RNGTT: variants seen among roughly 807,000 people sequenced by gnomAD.
The protein encoded by RNGTT is RNA guanylyltransferase and 5'-phosphatase, also known as mRNA-capping enzyme.
Under a neutral mutation model 79.3 loss-of-function variants are expected in RNGTT, and 33 were observed. The observed-to-expected ratio is 0.42, with a 90% CI of 0.32 to 0.56. The LOEUF is 0.56. Among genes scored for constraint, RNGTT ranks in the 20% least tolerant of loss-of-function variants. The probability of loss-of-function intolerance (pLI) is 0.17; values close to 1 mark genes in which losing one functional copy is unlikely to be tolerated. For missense variants in RNGTT, 497 were observed against 739.1 expected, an observed-to-expected ratio of 0.67 and a Z score of 3.80; for synonymous variants, 222 against 235.9, an observed-to-expected ratio of 0.94 and a Z score of 0.54.
intron 8 of RNGTT, among the ~76,000 whole-genome samples, chr6:88,856,342 G>T (rs1239386855): frequency 1.3e-5 from 2 of 151,988 alleles, no homozygotes; most frequent in East Asian, 1.9e-4. Context: ...TTCACTGACT[G>T]CCCAGAAGTT....
intron 13 of RNGTT, among the ~76,000 whole-genome samples, chr6:88,760,978 T>C (rs982642414): frequency 6.9e-6 from 1 of 144,098 alleles, no homozygotes; most frequent in African/African-American, 2.6e-5. Flanking sequence ...CAAACCCAGC[T>C]CATTCTATTT....
intron 1 of RNGTT, among the ~76,000 whole-genome samples, chr6:88,949,964 A>G (rs985005179): frequency 5.9e-5 from 9 of 152,254 alleles, no homozygotes; most frequent in African/African-American, 2.2e-4. Context: ...GTCAATGCCT[A>G]GATTCAAAGC....
intron 14 of RNGTT, among the ~76,000 whole-genome samples, chr6:88,645,359 C>G (rs1773503195): frequency 6.6e-6 from 1 of 152,122 alleles, no homozygotes; most frequent in Non-Finnish European, 1.5e-5. Context: ...AAAGAGGATA[C>G]AAACAAATGG....
intron 11 of RNGTT, among the ~76,000 whole-genome samples, chr6:88,841,379 C>T (rs1436030971): frequency 6.6e-6 from 1 of 152,146 alleles, no homozygotes; most frequent in Non-Finnish European, 1.5e-5. Flanking sequence ...CAGCTAATAT[C>T]ATATCCAAAG....
chr6:88,776,005 G>C (rs552917686), intron 12 of RNGTT, among the ~76,000 whole-genome samples: 1 of 152,222 alleles, frequency 6.6e-6, no homozygotes, highest in East Asian at 1.9e-4. Flanking sequence ...TGAACATGGG[G>C]GCATACATTT....
intron 14 of RNGTT, among the ~76,000 whole-genome samples, chr6:88,674,761 C>G (rs911118228): frequency 1.3e-5 from 2 of 151,580 alleles, no homozygotes; most frequent in African/African-American, 2.4e-5. Flanking sequence ...AAAAAAAAAT[C>G]AGAAAACTAT....
At chr6:88,720,570 T>C (rs181971259) in intron 13 of RNGTT, among the ~76,000 whole-genome samples, 2 of 152,254 alleles carry the variant, frequency 1.3e-5, no homozygotes, top group Non-Finnish European at 1.5e-5. Flanking sequence ...TAGTACTTAT[T>C]ACTGTTTCAT....
At chr6:88,916,447 T>G (rs768171891) in intron 4 of RNGTT, among the ~76,000 whole-genome samples, 2 of 152,190 alleles carry the variant, frequency 1.3e-5, no homozygotes, top group African/African-American at 4.8e-5. Context: ...CATTCCTGCC[T>G]GGGTGAGAGT....
chr6:88,828,033 C>T (rs1780729100), intron 11 of RNGTT, among the ~76,000 whole-genome samples: 1 of 152,188 alleles, frequency 6.6e-6, no homozygotes, highest in African/African-American at 2.4e-5. Context: ...CACAGCACTC[C>T]AGCTCTGCTA....
chr6:88,718,120 T>C (rs1452441833), intron 13 of RNGTT, among the ~76,000 whole-genome samples: 2 of 151,974 alleles, frequency 1.3e-5, no homozygotes, highest in Non-Finnish European at 2.9e-5. Context: ...TAGCTAGGTG[T>C]GGTGACTCAT....
chr6:88,773,154 GT>G (rs1342381849), intron 12 of RNGTT, among the ~76,000 whole-genome samples: 1 of 150,624 alleles, frequency 6.6e-6, no homozygotes, highest in African/African-American at 2.5e-5. Context: ...AAAATGATGA[GT>G]TCATGCCCTT....
At chr6:88,712,684 A>G (rs1030479967) in intron 13 of RNGTT, among the ~76,000 whole-genome samples, 1 of 152,248 alleles carries the variant, frequency 6.6e-6, no homozygotes, top group Non-Finnish European at 1.5e-5. Flanking sequence ...AAACTTCTTT[A>G]GTATCACCTC....
chr6:88,753,504 C>CAA (rs879460994), intron 13 of RNGTT, among the ~76,000 whole-genome samples: 2 of 119,114 alleles, frequency 1.7e-5, no homozygotes, highest in African/African-American at 6.3e-5. Context: ...ACCCCTGTCT[C>CAA]AAAAAAAAAA....
At chr6:88,893,703 A>G (rs964252166) in intron 6 of RNGTT, among the ~76,000 whole-genome samples, 2 of 152,186 alleles carry the variant, frequency 1.3e-5, no homozygotes, top group Non-Finnish European at 2.9e-5. Flanking sequence ...AATGTCTGTC[A>G]TCCATTTATT....
intron 13 of RNGTT, among the ~76,000 whole-genome samples, chr6:88,681,313 C>T (rs1195059898): frequency 6.6e-6 from 1 of 152,108 alleles, no homozygotes; most frequent in African/African-American, 2.4e-5. Context: ...AACTACCTTT[C>T]CCTAAATAAG....
At chr6:88,806,941 G>C (rs1779976253) in intron 11 of RNGTT, among the ~76,000 whole-genome samples, 1 of 152,114 alleles carries the variant, frequency 6.6e-6, no homozygotes, top group Non-Finnish European at 1.5e-5. Context: ...TATCCTTCAG[G>C]GACATGGATG....
At chr6:88,791,140 C>CTTTTTTT (rs66559856) in intron 12 of RNGTT, among the ~76,000 whole-genome samples, 3 of 120,800 alleles carry the variant, frequency 2.5e-5, no homozygotes, top group African/African-American at 9.0e-5. Flanking sequence ...TCACAAGTAC[C>CTTTTTTT]TTTTTTTTTT....
chr6:88,904,119 G>A (rs928915854), intron 6 of RNGTT, among the ~76,000 whole-genome samples: 1 of 152,068 alleles, frequency 6.6e-6, no homozygotes, highest in African/African-American at 2.4e-5. Flanking sequence ...GTATTTAGTT[G>A]AAATCTCACA....
chr6:88,697,776 T>C (rs996349820), intron 13 of RNGTT, among the ~76,000 whole-genome samples: 1 of 149,362 alleles, frequency 6.7e-6, no homozygotes, highest in African/African-American at 2.5e-5. Flanking sequence ...GAGGCTGAGG[T>C]GGAAGGATAA....
Sources: allele counts gnomAD v4.1 joint callset (sites outside exome capture counted in the v4.1 genomes callset), GRCh38; gene constraint gnomAD v4.1.1; transcripts MANE v1.5; gene names NCBI Gene and HGNC (gene_info 2026-07-23, HGNC 2026-07-21).